Variants in LGSN observed in about 807,000 individuals in gnomAD.
LGSN encodes lengsin.
Under a neutral mutation model 19.5 loss-of-function variants are expected in LGSN, and 21 were observed. The ratio of observed to expected loss-of-function variants is 1.07; its 90% CI spans 0.76 to 1.55. The LOEUF (loss-of-function observed/expected upper bound fraction) is 1.55, where lower values mean the gene tolerates loss of function less well. LGSN is among the 40% of genes most tolerant of loss of function. The probability of loss-of-function intolerance (pLI) is 0.00; values close to 1 mark genes in which losing one functional copy is unlikely to be tolerated. For synonymous variants in LGSN, 257 were observed against 215.6 expected, an observed-to-expected ratio of 1.19 and a Z score of -1.68; for missense variants, 673 against 608.5, an observed-to-expected ratio of 1.11 and a Z score of -1.12.
the LGSN span, among the ~76,000 whole-genome samples, chr6:63,330,548 A>T: frequency 6.6e-6 from 1 of 152,182 alleles, no homozygotes; most frequent in African/African-American, 2.4e-5. Flanking sequence ...TATTTTCTTA[A>T]GGCCTCTCAT....
the LGSN span, among the ~76,000 whole-genome samples, chr6:63,506,757 G>A: frequency 6.6e-6 from 1 of 152,116 alleles, no homozygotes; most frequent in African/African-American, 2.4e-5. Context: ...TAAGAAAAAT[G>A]GTCATAAAAA....
the LGSN span, among the ~76,000 whole-genome samples, chr6:63,500,644 C>T: frequency 6.6e-5 from 10 of 152,104 alleles, no homozygotes; most frequent in Non-Finnish European, 1.3e-4. Context: ...TGGTTTCAAA[C>T]TCCCGACCTC....
the LGSN span, chr6:63,549,445 T>C: frequency 1.3e-6 from 1 of 785,338 alleles, no homozygotes; most frequent in Non-Finnish European, 2.2e-6. Flanking sequence ...CTTAACCTCC[T>C]GCTTCTTCAC....
the LGSN span, among the ~76,000 whole-genome samples, chr6:63,530,251 T>A: frequency 6.6e-6 from 1 of 152,134 alleles, no homozygotes; most frequent in Non-Finnish European, 1.5e-5. Flanking sequence ...AGCAGATTAT[T>A]CCAAGGTGAA....
chr6:63,487,612 A>G, the LGSN span, among the ~76,000 whole-genome samples: 1 of 152,186 alleles, frequency 6.6e-6, no homozygotes, highest in Non-Finnish European at 1.5e-5. Context: ...ATCCAATCCT[A>G]TGTATAATAA....
At chr6:63,545,698 G>A in the LGSN span, among the ~76,000 whole-genome samples, 9 of 151,840 alleles carry the variant, frequency 5.9e-5, no homozygotes, top group African/African-American at 2.2e-4. Context: ...TTCTCAATAA[G>A]GCCTGTTTCC....
chr6:63,325,839 C>G, the LGSN span, among the ~76,000 whole-genome samples: 4 of 152,082 alleles, frequency 2.6e-5, no homozygotes, highest in Non-Finnish European at 5.9e-5. Flanking sequence ...AAAGAGTGAG[C>G]AGTAGCAAGA....
At chr6:63,293,198 T>C (rs1324077208) in intron 2 of LGSN, among the ~76,000 whole-genome samples, 1 of 152,182 alleles carries the variant, frequency 6.6e-6, no homozygotes, top group East Asian at 1.9e-4. Flanking sequence ...GGTCTGCCTA[T>C]GTTGCCCAGG....
chr6:63,364,772 A>G, the LGSN span, among the ~76,000 whole-genome samples: 1 of 152,246 alleles, frequency 6.6e-6, no homozygotes, highest in Non-Finnish European at 1.5e-5. Context: ...AGAACTCAGG[A>G]TTAAAAAACT....
the LGSN span, among the ~76,000 whole-genome samples, chr6:63,325,079 A>T: frequency 6.8e-6 from 1 of 146,808 alleles, no homozygotes; most frequent in Admixed American, 6.9e-5. Flanking sequence ...ACTCCAGCCT[A>T]GAAGACTGAG....
chr6:63,285,520 G>A, intron 3 of LGSN, 67 bp downstream of exon 3: 4 of 1,203,860 alleles, frequency 3.3e-6, no homozygotes, highest in South Asian at 1.4e-5. Context: ...ATAAGAAAGA[G>A]TAATAAGAAC....
the LGSN span, among the ~76,000 whole-genome samples, chr6:63,522,241 AT>A: frequency 6.6e-6 from 1 of 152,188 alleles, no homozygotes; most frequent in African/African-American, 2.4e-5. Flanking sequence ...TATATGGCAA[AT>A]TTTAACTGTT....
chr6:63,475,059 T>C, the LGSN span, among the ~76,000 whole-genome samples: 70,398 of 151,872 alleles, frequency 0.46, 18,150 homozygotes, highest in Non-Finnish European at 0.56. Flanking sequence ...AAAACATTGT[T>C]ATAAAACAAA....
chr6:63,499,710 T>C, the LGSN span, among the ~76,000 whole-genome samples: 2 of 152,054 alleles, frequency 1.3e-5, no homozygotes, highest in African/African-American at 4.8e-5. Context: ...TTTATGTCGT[T>C]AAAAGCCTTC....
At chr6:63,501,207 A>G in the LGSN span, among the ~76,000 whole-genome samples, 1 of 152,078 alleles carries the variant, frequency 6.6e-6, no homozygotes, top group African/African-American at 2.4e-5. Context: ...CCCCGTCTCT[A>G]TTAAAAATAC....
the LGSN span, among the ~76,000 whole-genome samples, chr6:63,394,547 C>T: frequency 2.0e-5 from 3 of 152,160 alleles, no homozygotes; most frequent in Admixed American, 1.3e-4. Flanking sequence ...ATGAATAATC[C>T]ACCCCTTGTT....
the LGSN span, among the ~76,000 whole-genome samples, chr6:63,424,070 T>C: frequency 2.6e-5 from 4 of 151,690 alleles, no homozygotes; most frequent in Admixed American, 6.6e-5. Context: ...AAAGAAAAAC[T>C]GAGTAAAATT....
intron 1 of LGSN, among the ~76,000 whole-genome samples, chr6:63,315,479 C>T (rs916126272): frequency 6.6e-5 from 10 of 152,016 alleles, no homozygotes; most frequent in African/African-American, 2.4e-4. Context: ...TTTACCTTTT[C>T]TTTAGGGTTT....
the LGSN span, among the ~76,000 whole-genome samples, chr6:63,470,252 G>GTAGTCCC: frequency 6.6e-6 from 1 of 151,866 alleles, no homozygotes. Context: ...CAGATCACCT[G>GTAGTCCC]AGGTCAGGAG....
Sources: allele counts gnomAD v4.1 joint callset (sites outside exome capture counted in the v4.1 genomes callset), GRCh38; gene constraint gnomAD v4.1.1; transcripts MANE v1.5; gene names NCBI Gene and HGNC (gene_info 2026-07-23, HGNC 2026-07-21).